The following NAT1 variants were observed in gnomAD, a reference collection of about 807,000 sequenced individuals.
The protein encoded by NAT1 is N-acetyltransferase 1, also known as arylamine N-acetyltransferase 1.
For synonymous variants in NAT1, 144 were observed against 122.6 expected, an observed-to-expected ratio of 1.17 and a Z score of -1.16; for missense variants, 400 against 339.2, an observed-to-expected ratio of 1.18 and a Z score of -1.41.
chr8:18,186,032 T>G (rs1388029901), intron 2 of NAT1, among the ~76,000 whole-genome samples: 2 of 152,174 alleles, frequency 1.3e-5, no homozygotes, highest in Admixed American at 1.3e-4. Flanking sequence ...TTTCAACCCT[T>G]TGGAACTGGT....
At chr8:18,202,150 G>GT (rs1407224565) in intron 2 of NAT1, among the ~76,000 whole-genome samples, 3 of 152,188 alleles carry the variant, frequency 2.0e-5, no homozygotes, top group African/African-American at 7.2e-5. Flanking sequence ...TTATCTTTGT[G>GT]TAAGATATTT....
chr8:18,208,905 A>G (rs1412034897), upstream of NAT1, among the ~76,000 whole-genome samples: 3 of 152,224 alleles, frequency 2.0e-5, no homozygotes, highest in Non-Finnish European at 4.4e-5. Flanking sequence ...GCCAGACCCT[A>G]AAACAAAGAT....
chr8:18,193,797 C>T (rs1239210978), intron 2 of NAT1, among the ~76,000 whole-genome samples: 10 of 151,584 alleles, frequency 6.6e-5, no homozygotes, highest in Admixed American at 6.6e-4. Context: ...CCTGCCACCA[C>T]ACCCAGCTAA....
intron 2 of NAT1, among the ~76,000 whole-genome samples, chr8:18,188,994 C>CAAAAAAAAAAAAAAAA (rs55636901): frequency 7.2e-5 from 6 of 83,106 alleles, no homozygotes; most frequent in Admixed American, 1.7e-4. Flanking sequence ...GACTCCGACT[C>CAAAAAAAAAAAAAAAA]AAAAAAAAAA....
At chr8:18,170,774 T>G (rs1802066853) in intron 2 of NAT1, 1 of 152,038 alleles carries the variant, frequency 6.6e-6, no homozygotes. Flanking sequence ...AGCCCAGGGA[T>G]CTCTTTTCTG....
chr8:18,207,903 G>T (rs1283559583), upstream of NAT1, among the ~76,000 whole-genome samples: 1 of 152,072 alleles, frequency 6.6e-6, no homozygotes. Context: ...AAGAAACTGT[G>T]GTACATATAG....
chr8:18,193,109 C>T (rs1425932177), intron 2 of NAT1, among the ~76,000 whole-genome samples: 10 of 117,322 alleles, frequency 8.5e-5, no homozygotes, highest in African/African-American at 3.4e-4. Flanking sequence ...CAGGGTCTCT[C>T]AGTCTGTTGC....
At chr8:18,174,297 T>A (rs778960207) in intron 2 of NAT1, among the ~76,000 whole-genome samples, 34 of 152,110 alleles carry the variant, frequency 2.2e-4, no homozygotes, top group Admixed American at 1.4e-3. Context: ...GCAAGCCGTA[T>A]TTCATCTGGA....
At chr8:18,208,788 A>G (rs1295346175), upstream of NAT1, among the ~76,000 whole-genome samples, 1 of 152,194 alleles carries the variant, frequency 6.6e-6, no homozygotes, top group Non-Finnish European at 1.5e-5. Context: ...GAGGCCACAG[A>G]GGGAGCATTT....
At chr8:18,187,049 C>T (rs963264600) in intron 2 of NAT1, among the ~76,000 whole-genome samples, 1 of 152,154 alleles carries the variant, frequency 6.6e-6, no homozygotes, top group African/African-American at 2.4e-5. Flanking sequence ...CTGTATTCCC[C>T]GCCATAACAT....
At chr8:18,207,084 G>A (rs749349667), upstream of NAT1, among the ~76,000 whole-genome samples, 30 of 152,170 alleles carry the variant, frequency 2.0e-4, no homozygotes, top group Admixed American at 9.2e-4. Context: ...TCATTTTTCT[G>A]TGTATGGCTA....
At chr8:18,199,766 C>T (rs929360947) in intron 2 of NAT1, among the ~76,000 whole-genome samples, 2 of 152,134 alleles carry the variant, frequency 1.3e-5, no homozygotes, top group African/African-American at 4.8e-5. Context: ...GTTATTACAG[C>T]TGGGGGCTAC....
chr8:18,194,818 TAAA>T (rs57703927), intron 2 of NAT1, among the ~76,000 whole-genome samples: 17 of 143,332 alleles, frequency 1.2e-4, no homozygotes, highest in Non-Finnish European at 9.1e-5. Flanking sequence ...GACTCTGTCT[TAAA>T]AAAAAAAAAA....
In NAT1 at chr8:18,222,848, G is replaced by T; in HGVS notation, c.801G>T (p.Leu267=). 6 of 1,600,770 alleles carry T rather than the reference G, an allele frequency of 3.7e-6. No homozygotes were observed. The highest frequency in any genetic ancestry group is 3.4e-6 in the Non-Finnish European group (4 of 1,176,124). ...TLSEEEIEKV[L]KNIFNISLQR... is the part of the protein sequence containing the mutation. ...GTGAGGAAGAAATAGAAAAAGTGCT[G>T]AAAAATATATTTAATATTTCCTTGC... The change falls in exon 3 of 3, where the codon CTG becomes CTT. Residue 267 remains leucine (L), a synonymous_variant. Transcript: ENST00000307719.
intron 1 of NAT1, among the ~76,000 whole-genome samples, chr8:18,213,888 A>C (rs552882607): frequency 1.3e-5 from 2 of 149,312 alleles, no homozygotes; most frequent in South Asian, 4.2e-4. Flanking sequence ...ATCTCGGCTC[A>C]CTGCAAGCTC....
intron 2 of NAT1, among the ~76,000 whole-genome samples, chr8:18,201,919 T>C (rs1403660386): frequency 6.6e-6 from 1 of 152,210 alleles, no homozygotes; most frequent in African/African-American, 2.4e-5. Flanking sequence ...AAGTCAGTAA[T>C]CTCATGAATA....
chr8:18,189,774 T>C (rs113899609), intron 2 of NAT1, among the ~76,000 whole-genome samples: 171 of 152,292 alleles, frequency 1.1e-3, no homozygotes, highest in African/African-American at 4.0e-3. Context: ...TTAGGATCAC[T>C]GTTATGTAGT....
chr8:18,216,929 C>T (rs763853527), intron 1 of NAT1: 19 of 1,550,984 alleles, frequency 1.2e-5, no homozygotes, highest in Admixed American at 3.9e-5. Flanking sequence ...AGGCAGCCCT[C>T]GAGCCACAGG....
At chr8:18,205,887 G>A (rs1008902450), upstream of NAT1, among the ~76,000 whole-genome samples, 2 of 152,174 alleles carry the variant, frequency 1.3e-5, no homozygotes, top group African/African-American at 4.8e-5. Context: ...AGACTGAGGG[G>A]TGCTCAGGTT....
Sources: gnomAD v4.1 joint callset for allele counts (sites outside exome capture counted in the v4.1 genomes callset) on GRCh38, gnomAD v4.1.1 for gene constraint, MANE v1.5 for transcripts, NCBI Gene and HGNC (gene_info 2026-07-23, HGNC 2026-07-21) for gene names.